The following EZH1 variants were observed in gnomAD, a reference collection of about 807,000 sequenced individuals.
EZH1 encodes the protein histone-lysine N-methyltransferase EZH1.
EZH1 carries 33 observed loss-of-function variants against 100.5 expected under a neutral mutation model. The ratio of observed to expected loss-of-function variants is 0.33; its 90% CI spans 0.25 to 0.44. EZH1 has a LOEUF of 0.44. Ranked by LOEUF, EZH1 falls within the 20% of genes least tolerant of loss-of-function variation. EZH1 has a pLI of 1.00. For synonymous variants in EZH1, 272 were observed against 313.8 expected (o/e 0.87, Z 1.41); for missense variants, 475 against 928.4 (o/e 0.51, Z 6.35).
Position 42,745,022 on chromosome 17 carries a change from A to G in EZH1, c.-114T>C, listed in dbSNP as rs968760696. 1 of 1,271,650 alleles carries G rather than the reference A, an allele frequency of 7.9e-7. No homozygotes were observed. The highest frequency in any genetic ancestry group is 1.0e-6 in the Non-Finnish European group (1 of 982,066). The allele number at this position is 1,271,650 out of a possible 1,614,324, so 78.8% of individuals were successfully genotyped here. A position where few individuals can be genotyped will look rare whatever the true frequency, so the allele number is the denominator to read the frequency against. The stretch of plus-strand genomic sequence containing the variant: ...GTTTACTCACTCACCCTCCATCCCG[A>G]GCCGCGGGTCCCGCTGCTAGGACGC... On this transcript the variant is annotated 5_prime_UTR_variant, in exon 1 of 21. Coordinates refer to ENST00000428826, the MANE Select transcript of EZH1 (RefSeq NM_001991.5).
chr17:42,705,229 T>G, intron 16 of EZH1, 46 bp from the exon 17 acceptor site: 1 of 1,164,544 alleles, frequency 8.6e-7, no homozygotes. Flanking sequence ...TGTGCATGAG[T>G]AGGGGGTGTG....
chr17:42,723,085 C>T (rs1164886667), intron 5 of EZH1, among the ~76,000 whole-genome samples, 170 bp from the exon 6 acceptor site: 7 of 152,106 alleles, frequency 4.6e-5, no homozygotes, highest in African/African-American at 1.7e-4. Flanking sequence ...GCCAAAAAAA[C>T]CTCAAATGGG....
At chr17:42,716,277 A>G (rs1393154272) in intron 10 of EZH1, among the ~76,000 whole-genome samples, 2 of 152,182 alleles carry the variant, frequency 1.3e-5, no homozygotes, top group African/African-American at 4.8e-5. Flanking sequence ...ATGCTGAAAC[A>G]TTTACCAAAT....
At chr17:42,729,116 C>A in intron 2 of EZH1, 164 bp from the exon 3 acceptor site, 5 of 655,546 alleles carry the variant, frequency 7.6e-6, no homozygotes, top group Non-Finnish European at 1.2e-5. Flanking sequence ...CAGAAAGTTT[C>A]AATTTAAAAA....
At chr17:42,712,020 G>A (rs573123557) in intron 12 of EZH1, among the ~76,000 whole-genome samples, 6 of 152,206 alleles carry the variant, frequency 3.9e-5, no homozygotes, top group East Asian at 3.9e-4. Flanking sequence ...AAAAAGAAGC[G>A]AAAGAGTGTA....
rs543246086 is a variant in EZH1 at position 42,705,486 on chromosome 17, C to T, written c.1840-303G>A. On this transcript the variant is annotated intron_variant, in intron 16 of 20. Transcript: ENST00000428826. ...GACATCACCAAAGGTGCATACACCT[C>T]GCAGCTCCTTTTTGTCTGGCCAGTT... 6.2e-4 allele frequency: 139 copies of T among 222,602 alleles called. 1 individual carries two copies. Among genetic ancestry groups the T allele is most frequent in the South Asian group, 6.2e-3 (87 of 13,996 alleles). 13.8% of individuals were successfully genotyped at this position (222,602 alleles called of 1,614,324 possible).
chr17:42,713,135 T>G, intron 11 of EZH1, 74 bp downstream of exon 11: 2 of 1,368,360 alleles, frequency 1.5e-6, no homozygotes, highest in Non-Finnish European at 2.0e-6. Context: ...TAAAGTTAAG[T>G]GTCAGGCAGT....
At position 42,722,778 on chromosome 17, in the gene EZH1, G is replaced by T; in HGVS notation, c.487+17C>A. 1 of 1,603,346 alleles carries T rather than the reference G, an allele frequency of 6.2e-7. No homozygotes were observed. ...TGATTCTAACAAAATTTTCTCCAAG[G>T]AGTTCAGTACCACTACCTTCTTCAC... On this transcript the variant is annotated intron_variant, in intron 6 of 20. Coordinates refer to ENST00000428826, the MANE Select transcript of EZH1 (RefSeq NM_001991.5).
chr17:42,708,284 G>A, intron 14 of EZH1: 1 of 545,170 alleles, frequency 1.8e-6, no homozygotes, highest in Non-Finnish European at 3.2e-6. Context: ...GGGAGGGTGT[G>A]GAGATGGTCT....
At chr17:42,714,174 C>G (rs1347242547) in intron 10 of EZH1, 2 of 153,442 alleles carry the variant, frequency 1.3e-5, no homozygotes, top group Non-Finnish European at 2.9e-5. Context: ...TATCACTCAC[C>G]TAGATCATCA....
intron 1 of EZH1, among the ~76,000 whole-genome samples, chr17:42,743,016 C>T (rs2054205206): frequency 6.6e-6 from 1 of 151,538 alleles, no homozygotes; most frequent in African/African-American, 2.4e-5. Context: ...ATTACAGGCA[C>T]CCACCACCAC....
chr17:42,741,510 C>T (rs1017870446), intron 1 of EZH1, among the ~76,000 whole-genome samples: 1 of 152,062 alleles, frequency 6.6e-6, no homozygotes, highest in Non-Finnish European at 1.5e-5. Context: ...ACGTGGGGGG[C>T]CCAAAGTGAA....
chr17:42,722,178 G>T (rs2053721176), intron 6 of EZH1, among the ~76,000 whole-genome samples: 1 of 144,148 alleles, frequency 6.9e-6, no homozygotes, highest in Non-Finnish European at 1.5e-5. Flanking sequence ...AAAGCCAGGT[G>T]TGGTGGAGTG....
chr17:42,715,772 G>A (rs1375329633), intron 10 of EZH1, among the ~76,000 whole-genome samples: 11 of 152,116 alleles, frequency 7.2e-5, no homozygotes, highest in East Asian at 5.8e-4. Flanking sequence ...TAACAAGGCC[G>A]GGCGCCTTAT....
intron 5 of EZH1, 94 bp from the exon 6 acceptor site, chr17:42,723,009 T>C: frequency 4.8e-6 from 7 of 1,466,022 alleles, no homozygotes; most frequent in Non-Finnish European, 5.4e-6. Context: ...TGTTTGTTGC[T>C]TGAGTCTCCT....
At chr17:42,715,152 T>C (rs1285573462) in intron 10 of EZH1, among the ~76,000 whole-genome samples, 2 of 141,358 alleles carry the variant, frequency 1.4e-5, no homozygotes. Context: ...TATTATATAT[T>C]ATAGATTATA....
intron 1 of EZH1, among the ~76,000 whole-genome samples, chr17:42,736,624 C>CAGG (rs1305411850): frequency 6.6e-6 from 1 of 152,086 alleles, no homozygotes; most frequent in Non-Finnish European, 1.5e-5. Flanking sequence ...CACTTGAGAT[C>CAGG]AGGAGTTCGA....
At chr17:42,709,026 G>A in intron 13 of EZH1, 110 bp from the exon 14 acceptor site, 1 of 1,258,670 alleles carries the variant, frequency 7.9e-7, no homozygotes, top group South Asian at 1.2e-5. Context: ...TGACTGGGGA[G>A]TATCTTCCCA....
intron 6 of EZH1, among the ~76,000 whole-genome samples, chr17:42,720,740 A>G (rs1348787188): frequency 2.6e-5 from 4 of 151,920 alleles, no homozygotes; most frequent in Non-Finnish European, 5.9e-5. Flanking sequence ...GCTCACCGCA[A>G]CCTCCACCTC....
Sources: allele counts gnomAD v4.1 joint callset (sites outside exome capture counted in the v4.1 genomes callset), GRCh38; gene constraint gnomAD v4.1.1; transcripts MANE v1.5; gene names NCBI Gene and HGNC (gene_info 2026-07-23, HGNC 2026-07-21).